CRISP2: variants seen among roughly 807,000 people sequenced by gnomAD.
CRISP2 encodes the protein cysteine rich secretory protein 2.
CRISP2 carries 29 observed loss-of-function variants against 31.7 expected under a neutral mutation model. The observed-to-expected ratio is 0.92, with a 90% CI of 0.68 to 1.25. The LOEUF (loss-of-function observed/expected upper bound fraction) is 1.25, where lower values mean the gene tolerates loss of function less well. Ranked by LOEUF, CRISP2 falls within the 50% of genes most tolerant of loss-of-function variation. The pLI, the probability that CRISP2 is intolerant of heterozygous loss-of-function variation, is 0.00. For missense variants in CRISP2, 318 were observed against 286.5 expected, an observed-to-expected ratio of 1.11 and a Z score of -0.79; for synonymous variants, 111 against 101.4, an observed-to-expected ratio of 1.09 and a Z score of -0.57.
the CRISP2 span, among the ~76,000 whole-genome samples, chr6:49,684,416 T>C: frequency 6.6e-6 from 1 of 152,162 alleles, no homozygotes; most frequent in Admixed American, 6.5e-5. Flanking sequence ...TGTATAGTAC[T>C]TTTTTCCTAC....
At chr6:49,696,587 T>TAA (rs199584784) in intron 8 of CRISP2, among the ~76,000 whole-genome samples, 9 of 98,260 alleles carry the variant, frequency 9.2e-5, no homozygotes, top group African/African-American at 2.4e-4. Flanking sequence ...GAACTTAAAG[T>TAA]AAAAAAAAAA....
At chr6:49,678,148 A>G in the CRISP2 span, among the ~76,000 whole-genome samples, 17 of 152,178 alleles carry the variant, frequency 1.1e-4, no homozygotes, top group Non-Finnish European at 2.2e-4. Flanking sequence ...TCTAAAATAG[A>G]ATACTAGAAA....
At chr6:49,676,950 C>G in the CRISP2 span, among the ~76,000 whole-genome samples, 3 of 152,188 alleles carry the variant, frequency 2.0e-5, no homozygotes, top group East Asian at 5.8e-4. Flanking sequence ...TATCATCTCA[C>G]AATGCCTTAG....
At chr6:49,710,321 G>A (rs763328838) in intron 3 of CRISP2, among the ~76,000 whole-genome samples, 2 of 152,144 alleles carry the variant, frequency 1.3e-5, no homozygotes, top group Non-Finnish European at 2.9e-5. Context: ...TATATTGTAT[G>A]GATGATGTAA....
At chr6:49,707,541 T>C (rs1459236203) in intron 4 of CRISP2, among the ~76,000 whole-genome samples, 3 of 152,118 alleles carry the variant, frequency 2.0e-5, no homozygotes, top group Non-Finnish European at 2.9e-5. Context: ...TACAGGGGAT[T>C]GGAAACAGGT....
At chr6:49,703,979 A>G (rs1192625958) in intron 4 of CRISP2, among the ~76,000 whole-genome samples, 1 of 152,158 alleles carries the variant, frequency 6.6e-6, no homozygotes, top group Non-Finnish European at 1.5e-5. Context: ...CTTCTTCCCC[A>G]GGAACATCAA....
chr6:49,688,005 C>T (rs1391848435), downstream of CRISP2, among the ~76,000 whole-genome samples: 1 of 152,142 alleles, frequency 6.6e-6, no homozygotes, highest in Admixed American at 6.6e-5. Context: ...CCAGCCCTTC[C>T]TTTGATATGC....
chr6:49,686,041 T>C, the CRISP2 span, among the ~76,000 whole-genome samples: 1 of 152,238 alleles, frequency 6.6e-6, no homozygotes, highest in African/African-American at 2.4e-5. Flanking sequence ...TAGTATACTC[T>C]ATGTTGCATC....
chr6:49,691,170 AC>A (rs1764040310), downstream of CRISP2, among the ~76,000 whole-genome samples: 1 of 151,978 alleles, frequency 6.6e-6, no homozygotes, highest in Admixed American at 6.6e-5. Context: ...CACCCCAATA[AC>A]GGAGTGCTTC....
At chr6:49,678,615 T>C in the CRISP2 span, among the ~76,000 whole-genome samples, 1 of 152,112 alleles carries the variant, frequency 6.6e-6, no homozygotes, top group Non-Finnish European at 1.5e-5. Flanking sequence ...AGAGTGTAAA[T>C]GTGATAGCAT....
chr6:49,706,721 A>T (rs527802677), intron 4 of CRISP2, among the ~76,000 whole-genome samples: 1 of 152,324 alleles, frequency 6.6e-6, no homozygotes, highest in African/African-American at 2.4e-5. Flanking sequence ...CCTTGCAATA[A>T]GTTATCCTCC....
chr6:49,683,397 G>A, the CRISP2 span, among the ~76,000 whole-genome samples: 1 of 150,924 alleles, frequency 6.6e-6, no homozygotes, highest in Non-Finnish European at 1.5e-5. Context: ...AGAAACAGCC[G>A]GGCGCAGTGG....
In CRISP2 at chr6:49,698,620, T is replaced by C. The variant is rs1246739379; in HGVS notation, c.272-113A>G. 1.0e-5 allele frequency: 11 copies of C among 1,054,764 alleles called. No homozygotes were observed. In the African/African-American group the frequency reaches 1.8e-4, roughly 17 times the overall value. The allele number at this position is 1,054,764 out of a possible 1,614,324, so 65.3% of individuals were successfully genotyped here. ...AACCCAGGGTCCAGCAGATGCTAAC[T>C]GTTGATTAATACATAAAGGAGTGCC... On this transcript the variant is annotated intron_variant, in intron 6 of 9. Transcript: ENST00000339139.
intron 8 of CRISP2, chr6:49,697,652 G>T: frequency 7.3e-7 from 1 of 1,364,356 alleles, no homozygotes; most frequent in East Asian, 2.9e-5. Context: ...TGTTAATGAG[G>T]AATGAGAGCT....
chr6:49,697,998 G>A (rs748466958), intron 7 of CRISP2, 41 bp from the exon 8 acceptor site: 1 of 1,424,662 alleles, frequency 7.0e-7, no homozygotes, highest in Non-Finnish European at 9.6e-7. Context: ...AAGTACATTA[G>A]AGAAGATGAA....
chr6:49,693,601 T>C (rs1764259476), intron 9 of CRISP2, among the ~76,000 whole-genome samples: 3 of 152,188 alleles, frequency 2.0e-5, no homozygotes, highest in South Asian at 4.1e-4. Context: ...TTCTCAGCAG[T>C]GATCTCCCTG....
At chr6:49,683,705 A>ATG in the CRISP2 span, among the ~76,000 whole-genome samples, 1 of 102,142 alleles carries the variant, frequency 9.8e-6, no homozygotes, top group Non-Finnish European at 2.0e-5. Flanking sequence ...ATATATATAT[A>ATG]TATATATATA....
At chr6:49,691,260 C>A (rs1764044156), downstream of CRISP2, among the ~76,000 whole-genome samples, 1 of 151,978 alleles carries the variant, frequency 6.6e-6, no homozygotes, top group Non-Finnish European at 1.5e-5. Flanking sequence ...CTTGCAGTTA[C>A]AAATATAAAT....
chr6:49,706,834 C>T (rs1582126265), intron 4 of CRISP2, among the ~76,000 whole-genome samples: 1 of 152,164 alleles, frequency 6.6e-6, no homozygotes, highest in East Asian at 1.9e-4. Context: ...CTCTTTCCTG[C>T]TTTTATGTTC....
Sources: allele counts gnomAD v4.1 joint callset (sites outside exome capture counted in the v4.1 genomes callset), GRCh38; gene constraint gnomAD v4.1.1; transcripts MANE v1.5; gene names NCBI Gene and HGNC (gene_info 2026-07-23, HGNC 2026-07-21).